The following COMMD10 variants were observed in gnomAD, a reference collection of about 807,000 sequenced individuals.
COMMD10 encodes COMM domain containing 10, also known as COMM domain-containing protein 10.
In COMMD10, 33 loss-of-function variants were observed where a neutral mutation model predicts 28.9. The observed-to-expected ratio is 1.14, with a 90% CI of 0.87 to 1.53. The LOEUF (loss-of-function observed/expected upper bound fraction) is 1.53, where lower values mean the gene tolerates loss of function less well. Among genes scored for constraint, COMMD10 ranks in the 40% most tolerant of loss-of-function variants. COMMD10 has a pLI of 0.00. For synonymous variants in COMMD10, 110 were observed against 81.7 expected (o/e 1.35, Z -1.87); for missense variants, 310 against 233.4 (o/e 1.33, Z -2.14).
chr5:116,162,164 T>C (rs1752939149), intron 5 of COMMD10, among the ~76,000 whole-genome samples: 1 of 152,212 alleles, frequency 6.6e-6, no homozygotes, highest in South Asian at 2.1e-4. Context: ...TCTTTTTTGC[T>C]ATAAATAGAT....
At chr5:116,152,483 T>G (rs1346154558) in intron 5 of COMMD10, among the ~76,000 whole-genome samples, 6 of 152,084 alleles carry the variant, frequency 3.9e-5, no homozygotes, top group Admixed American at 1.3e-4. Flanking sequence ...TCAATTTTAA[T>G]ACTTTGTATT....
At chr5:116,234,562 C>T (rs976946073) in intron 5 of COMMD10, among the ~76,000 whole-genome samples, 2 of 151,308 alleles carry the variant, frequency 1.3e-5, no homozygotes, top group African/African-American at 4.8e-5. Flanking sequence ...ATGTAGACTG[C>T]TTGTGCCAGT....
intron 5 of COMMD10, among the ~76,000 whole-genome samples, chr5:116,244,531 G>T (rs2112666430): frequency 6.6e-6 from 1 of 151,616 alleles, no homozygotes; most frequent in South Asian, 2.1e-4. Context: ...GAGCTATGGG[G>T]GTACAGTAGA....
intron 5 of COMMD10, among the ~76,000 whole-genome samples, chr5:116,135,997 C>T (rs1258279105): frequency 6.6e-6 from 1 of 152,118 alleles, no homozygotes; most frequent in Non-Finnish European, 1.5e-5. Context: ...GTGTTTAGTC[C>T]AGTGCCCAGT....
chr5:116,136,406 G>A (rs60104507), intron 5 of COMMD10, among the ~76,000 whole-genome samples: 7 of 152,074 alleles, frequency 4.6e-5, no homozygotes, highest in South Asian at 4.1e-4. Flanking sequence ...TTTATTTTTC[G>A]TGACTACCTA....
chr5:116,157,186 A>G (rs987629561), intron 5 of COMMD10, among the ~76,000 whole-genome samples: 22 of 152,306 alleles, frequency 1.4e-4, no homozygotes, highest in Admixed American at 4.6e-4. Flanking sequence ...TTCAAGCTGA[A>G]GGCCACTGTT....
At chr5:116,136,022 T>G (rs893166114) in intron 5 of COMMD10, among the ~76,000 whole-genome samples, 1 of 152,212 alleles carries the variant, frequency 6.6e-6, no homozygotes, top group African/African-American at 2.4e-5. Flanking sequence ...CAGCGTGTGC[T>G]CAATAAATGC....
chr5:116,267,797 C>T (rs1287582852), intron 5 of COMMD10, among the ~76,000 whole-genome samples: 12 of 151,840 alleles, frequency 7.9e-5, no homozygotes, highest in Non-Finnish European at 1.0e-4. Flanking sequence ...TAATACCACA[C>T]ATCTACAACC....
chr5:116,193,687 C>G (rs1018894275), intron 5 of COMMD10, among the ~76,000 whole-genome samples: 7 of 151,948 alleles, frequency 4.6e-5, no homozygotes, highest in African/African-American at 1.7e-4. Context: ...ACTAATAGAC[C>G]TAAGAAATGA....
chr5:116,168,685 ACC>A (rs1339787167), intron 5 of COMMD10, among the ~76,000 whole-genome samples: 1 of 152,186 alleles, frequency 6.6e-6, no homozygotes, highest in Non-Finnish European at 1.5e-5. Flanking sequence ...CTCACTCAAA[ACC>A]ACACAAATAC....
chr5:116,258,576 G>C (rs1750354662), intron 5 of COMMD10, among the ~76,000 whole-genome samples: 1 of 151,566 alleles, frequency 6.6e-6, no homozygotes, highest in South Asian at 2.1e-4. Flanking sequence ...GATTAGACTT[G>C]ACATAGAGTC....
At chr5:116,176,024 TTA>T (rs1452245672) in intron 5 of COMMD10, among the ~76,000 whole-genome samples, 1 of 150,338 alleles carries the variant, frequency 6.7e-6, no homozygotes, top group African/African-American at 2.5e-5. Context: ...TTGGCAAATT[TTA>T]TGTTATGTAT....
intron 5 of COMMD10, among the ~76,000 whole-genome samples, chr5:116,194,509 A>G (rs945916786): frequency 2.6e-5 from 4 of 152,312 alleles, no homozygotes; most frequent in African/African-American, 9.6e-5. Flanking sequence ...CTCCTGAACT[A>G]CAAAAGATCA....
chr5:116,169,512 CA>C (rs1190590021), intron 5 of COMMD10, among the ~76,000 whole-genome samples: 2 of 152,128 alleles, frequency 1.3e-5, no homozygotes, highest in South Asian at 2.1e-4. Flanking sequence ...ATCCTGATAC[CA>C]AAACCTGGCA....
chr5:116,224,776 G>A (rs1397680297), intron 5 of COMMD10, among the ~76,000 whole-genome samples: 1 of 152,138 alleles, frequency 6.6e-6, no homozygotes, highest in Admixed American at 6.5e-5. Flanking sequence ...CCGGGATATT[G>A]TTGATGAAGT....
intron 5 of COMMD10, among the ~76,000 whole-genome samples, chr5:116,232,210 G>C (rs1369787278): frequency 3.9e-5 from 6 of 152,116 alleles, no homozygotes; most frequent in Non-Finnish European, 5.9e-5. Context: ...CCACAAGTAA[G>C]CTGCCTTCTG....
At position 116,134,168 on chromosome 5, in the gene COMMD10, AAGATTCAAAGGTAAGAAATG is replaced by A. The variant is rs752507618; in HGVS notation, c.501_510+10del. 1 of 1,587,672 alleles carries A rather than the reference AAGATTCAAAGGTAAGAAATG, an allele frequency of 6.3e-7. No individual in the cohort carries two copies. Among genetic ancestry groups the A allele is most frequent in the Non-Finnish European group, 8.7e-7 (1 of 1,155,712 alleles). ...GTGTTACAACTCGGAGTGAACAATGAAGATTCAAAGGTAAGAAATGGTATCCCATTAAAAGGATGTATTTT... is the reference window on the plus strand; with the variant it reads ...GTGTTACAACTCGGAGTGAACAATGAGTATCCCATTAAAAGGATGTATTTT... On this transcript the variant is annotated splice_donor_variant and splice_donor_5th_base_variant and coding_sequence_variant and intron_variant, in exon 5 of 7. Coordinates refer to ENST00000274458, the MANE Select transcript of COMMD10 (RefSeq NM_016144.4). LOFTEE classifies it high-confidence loss of function.
At chr5:116,181,731 G>A (rs1305220820) in intron 5 of COMMD10, among the ~76,000 whole-genome samples, 1 of 151,824 alleles carries the variant, frequency 6.6e-6, no homozygotes, top group East Asian at 1.9e-4. Flanking sequence ...AAAATGAGAA[G>A]GAAGGTTTTT....
chr5:116,158,851 G>T (rs564308295), intron 5 of COMMD10, among the ~76,000 whole-genome samples: 23 of 144,906 alleles, frequency 1.6e-4, no homozygotes, highest in Admixed American at 4.1e-4. Flanking sequence ...GCAAACAGTT[G>T]TTTTTTTTTT....
Sources: gnomAD v4.1 joint callset for allele counts (sites outside exome capture counted in the v4.1 genomes callset) on GRCh38, gnomAD v4.1.1 for gene constraint, MANE v1.5 for transcripts, NCBI Gene and HGNC (gene_info 2026-07-23, HGNC 2026-07-21) for gene names.